Variants in SPOCK1 observed in about 807,000 individuals in gnomAD.
SPOCK1 encodes the protein testican-1.
SPOCK1 carries 23 observed loss-of-function variants against 55.3 expected under a neutral mutation model. The observed-to-expected ratio is 0.42, with a 90% CI of 0.30 to 0.59. SPOCK1 has a LOEUF of 0.59. Ranked by LOEUF, SPOCK1 falls within the 20% of genes least tolerant of loss-of-function variation. The pLI is 0.22. For missense variants in SPOCK1, 499 were observed against 552.5 expected (o/e 0.90, Z 0.97); for synonymous variants, 226 against 221.0 (o/e 1.02, Z -0.20).
intron 6 of SPOCK1, among the ~76,000 whole-genome samples, chr5:137,030,558 C>CAACTAAGAAACTCATGA (rs1296328925): frequency 7.9e-5 from 12 of 152,268 alleles, no homozygotes; most frequent in African/African-American, 2.9e-4. Flanking sequence ...GGAGGTCTAG[C>CAACTAAGAAACTCATGA]AACTAAGAAA....
chr5:137,114,652 G>A (rs1422047382), intron 4 of SPOCK1, among the ~76,000 whole-genome samples: 1 of 152,236 alleles, frequency 6.6e-6, no homozygotes, highest in Non-Finnish European at 1.5e-5. Flanking sequence ...TGGTGAAAGA[G>A]GGGGCTGTCA....
chr5:137,432,943 G>A (rs917659712), intron 2 of SPOCK1, among the ~76,000 whole-genome samples: 1 of 152,144 alleles, frequency 6.6e-6, no homozygotes, highest in Admixed American at 6.5e-5. Flanking sequence ...TGTCCTAGAT[G>A]AACATATCTA....
At chr5:137,095,897 T>C (rs576543930) in intron 5 of SPOCK1, among the ~76,000 whole-genome samples, 7 of 145,192 alleles carry the variant, frequency 4.8e-5, no homozygotes, top group Non-Finnish European at 8.9e-5. Flanking sequence ...CTGTGAGCTG[T>C]GAAAACCAAG....
intron 2 of SPOCK1, among the ~76,000 whole-genome samples, chr5:137,377,713 A>C (rs1223722006): frequency 6.6e-6 from 1 of 152,190 alleles, no homozygotes; most frequent in East Asian, 1.9e-4. Context: ...ATGCTCCTGC[A>C]TGACCATCAG....
chr5:137,292,954 C>G (rs1186870617), intron 2 of SPOCK1, among the ~76,000 whole-genome samples: 1 of 152,122 alleles, frequency 6.6e-6, no homozygotes, highest in African/African-American at 2.4e-5. Context: ...TCATTTTAAT[C>G]TTGTTTATCT....
In SPOCK1 at chr5:137,273,410, G is replaced by GA. The variant is rs551923250; in HGVS notation, c.187-6356dup. 291 of 980,714 alleles carry GA rather than the reference G, an allele frequency of 3.0e-4. No individual in the cohort carries two copies. The African/African-American group carries it at 4.9e-3, about 16-fold the overall frequency. The allele number at this position is 980,714 out of a possible 1,614,324, so 60.8% of individuals were successfully genotyped here. ...CTGAGTACGAAAGCATTATAAATGA[G>GA]AAAAAAATAAAAGAATCACATCAAA... On this transcript the variant is annotated intron_variant, in intron 2 of 10. Coordinates refer to ENST00000394945, the MANE Select transcript of SPOCK1 (RefSeq NM_004598.4).
At chr5:137,039,625 C>T (rs1358457674) in intron 6 of SPOCK1, among the ~76,000 whole-genome samples, 1 of 152,202 alleles carries the variant, frequency 6.6e-6, no homozygotes, top group African/African-American at 2.4e-5. Context: ...ATGGGCAGGG[C>T]CCACACCATC....
At chr5:137,167,455 T>C (rs1754671054) in intron 3 of SPOCK1, among the ~76,000 whole-genome samples, 2 of 149,844 alleles carry the variant, frequency 1.3e-5, no homozygotes, top group Admixed American at 6.7e-5. Context: ...ATCTGCACTA[T>C]AGACCAAATG....
chr5:137,322,475 T>G (rs1355582158), intron 2 of SPOCK1, among the ~76,000 whole-genome samples: 3 of 151,450 alleles, frequency 2.0e-5, no homozygotes, highest in Non-Finnish European at 4.4e-5. Context: ...AAGACAAAAA[T>G]ACAAAAATAA....
chr5:137,482,188 A>G (rs181172970), intron 2 of SPOCK1, among the ~76,000 whole-genome samples: 1 of 152,338 alleles, frequency 6.6e-6, no homozygotes, highest in East Asian at 1.9e-4. Context: ...CAGCCATGGC[A>G]TGGGCCACAT....
At chr5:137,354,319 G>A (rs1469022552) in intron 2 of SPOCK1, among the ~76,000 whole-genome samples, 1 of 151,950 alleles carries the variant, frequency 6.6e-6, no homozygotes, top group South Asian at 2.1e-4. Flanking sequence ...CTGCCCTTGC[G>A]AGGCCCTGCC....
chr5:137,234,620 C>T (rs1756139730), intron 3 of SPOCK1, among the ~76,000 whole-genome samples: 1 of 152,164 alleles, frequency 6.6e-6, no homozygotes, highest in South Asian at 2.1e-4. Flanking sequence ...ATATTTCTTT[C>T]AATACAATTC....
chr5:137,186,346 G>A (rs1259245943), intron 3 of SPOCK1, among the ~76,000 whole-genome samples: 1 of 152,172 alleles, frequency 6.6e-6, no homozygotes, highest in East Asian at 1.9e-4. Flanking sequence ...GCCCGTTTGG[G>A]GTATAGGGGG....
chr5:137,146,212 T>C (rs1284595140), intron 3 of SPOCK1, among the ~76,000 whole-genome samples: 2 of 152,198 alleles, frequency 1.3e-5, no homozygotes, highest in Non-Finnish European at 2.9e-5. Context: ...GGTCAACTCT[T>C]AGAACCCCTT....
chr5:137,010,266 A>T (rs1580706043), intron 6 of SPOCK1, among the ~76,000 whole-genome samples: 1 of 152,220 alleles, frequency 6.6e-6, no homozygotes, highest in South Asian at 2.1e-4. Flanking sequence ...GAAGAATGTG[A>T]ATACTTAAGT....
At chr5:137,133,226 T>C (rs2127046529) in intron 4 of SPOCK1, among the ~76,000 whole-genome samples, 1 of 151,892 alleles carries the variant, frequency 6.6e-6, no homozygotes, top group Non-Finnish European at 1.5e-5. Context: ...AAAAATTAGC[T>C]AGGCATGGTG....
At chr5:137,098,271 C>T (rs377607846) in intron 5 of SPOCK1, among the ~76,000 whole-genome samples, 33 of 152,334 alleles carry the variant, frequency 2.2e-4, no homozygotes, top group African/African-American at 6.7e-4. Flanking sequence ...GCTCTTAACT[C>T]GGACACTGCT....
chr5:137,096,630 C>A (rs1753151485), intron 5 of SPOCK1, among the ~76,000 whole-genome samples: 1 of 152,230 alleles, frequency 6.6e-6, no homozygotes, highest in Admixed American at 6.5e-5. Context: ...CATCACAGCA[C>A]ATAGTTGTAT....
At chr5:137,168,990 T>A (rs1754698752) in intron 3 of SPOCK1, among the ~76,000 whole-genome samples, 1 of 152,138 alleles carries the variant, frequency 6.6e-6, no homozygotes, top group South Asian at 2.1e-4. Flanking sequence ...ACATGGTACA[T>A]ATACACAATG....
Sources: allele counts gnomAD v4.1 joint callset (sites outside exome capture counted in the v4.1 genomes callset), GRCh38; gene constraint gnomAD v4.1.1; transcripts MANE v1.5; gene names NCBI Gene and HGNC (gene_info 2026-07-23, HGNC 2026-07-21).